Variants in PCDH11Y observed in about 807,000 individuals in gnomAD.
The protein encoded by PCDH11Y is protocadherin 11 Y-linked, also known as protocadherin-11 Y-linked.
For missense variants in PCDH11Y, 12 were observed against 224.8 expected, an observed-to-expected ratio of 0.05 and a Z score of 6.05; for synonymous variants, 9 against 83.6, an observed-to-expected ratio of 0.11 and a Z score of 4.87.
intron 1 of PCDH11Y, among the ~76,000 whole-genome samples, chrY:5,091,968 T>C: frequency 3.1e-5 from 1 of 32,777 alleles, no homozygotes; most frequent in East Asian, 7.9e-4. Context: ...TTCTACAAAA[T>C]AGGTTTTGCT....
intron 3 of PCDH11Y, among the ~76,000 whole-genome samples, chrY:5,522,075 G>A: frequency 2.5e-4 from 8 of 32,007 alleles, no homozygotes; most frequent in Admixed American, 2.3e-3. Flanking sequence ...GGGTTTCACC[G>A]TGTTAGCCAG....
intron 4 of PCDH11Y, among the ~76,000 whole-genome samples, chrY:5,604,467 A>G (rs2053477227): frequency 3.1e-5 from 1 of 32,704 alleles, no homozygotes; most frequent in Non-Finnish European, 7.5e-5. Context: ...AAATTGAGCA[A>G]GTATAGTGCA....
At chrY:5,165,025 T>C (rs2124644796) in intron 2 of PCDH11Y, among the ~76,000 whole-genome samples, 3 of 30,134 alleles carry the variant, frequency 1.0e-4, no homozygotes, top group Admixed American at 3.1e-4. Context: ...TTCATGTTCG[T>C]GCAACTAATA....
intron 2 of PCDH11Y, among the ~76,000 whole-genome samples, chrY:5,347,852 C>G: frequency 3.0e-5 from 1 of 33,025 alleles, no homozygotes; most frequent in Non-Finnish European, 7.4e-5. Context: ...TGGGCAGTAA[C>G]CATACAATTT....
intron 2 of PCDH11Y, among the ~76,000 whole-genome samples, chrY:5,457,719 A>G: frequency 5.9e-5 from 2 of 33,639 alleles, no homozygotes; most frequent in Non-Finnish European, 1.5e-4. Context: ...CCTTTCAAGA[A>G]AAAGAGAATC....
intron 2 of PCDH11Y, among the ~76,000 whole-genome samples, chrY:5,397,764 G>A: frequency 1.8e-4 from 6 of 33,069 alleles, no homozygotes; most frequent in Admixed American, 1.1e-3. Flanking sequence ...ATAGTTCACT[G>A]CAGCCTTGAA....
chrY:5,407,778 G>C (rs2053241023), intron 2 of PCDH11Y, among the ~76,000 whole-genome samples: 7 of 31,263 alleles, frequency 2.2e-4, no homozygotes, highest in Admixed American at 1.8e-3. Context: ...TAGCTGGCGT[G>C]GTGGCGGGCG....
At chrY:5,311,689 T>A in intron 2 of PCDH11Y, among the ~76,000 whole-genome samples, 1 of 29,374 alleles carries the variant, frequency 3.4e-5, no homozygotes, top group Admixed American at 3.3e-4. Context: ...ACCCTAGCTC[T>A]TTTTTATTTG....
intron 1 of PCDH11Y, among the ~76,000 whole-genome samples, chrY:5,093,967 T>G: frequency 3.0e-5 from 1 of 33,236 alleles, no homozygotes; most frequent in Non-Finnish European, 7.6e-5. Flanking sequence ...GCCATATTAC[T>G]TAGTATATGA....
chrY:5,560,823 G>A (rs1602943311), intron 3 of PCDH11Y, among the ~76,000 whole-genome samples: 3 of 33,964 alleles, frequency 8.8e-5, no homozygotes, highest in Non-Finnish European at 1.5e-4. Flanking sequence ...ATGTGAGGTC[G>A]AAGCCTGCAC....
chrY:5,190,084 C>A (rs2052910544), intron 2 of PCDH11Y, among the ~76,000 whole-genome samples: 1 of 32,039 alleles, frequency 3.1e-5, no homozygotes, highest in African/African-American at 1.2e-4. Context: ...TTTTTTTTTC[C>A]TTTTTATTCA....
Position 5,194,338 on chromosome Y carries a change from G to A in PCDH11Y, c.3129+93631G>A. 1.4e-4 allele frequency among the ~76,000 whole-genome samples: 4 copies of A among 28,001 alleles called. No homozygotes were observed. The Middle Eastern group carries it at 0.049, about 344-fold the overall frequency. 75.1% of individuals were successfully genotyped at this position (28,001 alleles called of 37,273 possible). Reference sequence around the variant, plus strand: ...TGTCCCAACTACTCGGGAGCCTGAAGTGGAAGGATCACTTGAGCTTAGGTG... The same window carrying A: ...TGTCCCAACTACTCGGGAGCCTGAAATGGAAGGATCACTTGAGCTTAGGTG... On this transcript the variant is annotated intron_variant, in intron 2 of 4. Transcript: ENST00000400457.
At chrY:5,146,249 C>T (rs2124643002) in intron 2 of PCDH11Y, among the ~76,000 whole-genome samples, 2 of 33,836 alleles carry the variant, frequency 5.9e-5, no homozygotes, top group East Asian at 1.6e-3. Context: ...GAAAAATAGT[C>T]TTCCACAAAA....
At chrY:5,205,813 A>G in intron 2 of PCDH11Y, among the ~76,000 whole-genome samples, 1 of 29,922 alleles carries the variant, frequency 3.3e-5, no homozygotes, top group Non-Finnish European at 7.8e-5. Flanking sequence ...CTCACTCCCC[A>G]TTCAATCATT....
At chrY:5,650,161 C>G in intron 4 of PCDH11Y, among the ~76,000 whole-genome samples, 1 of 32,598 alleles carries the variant, frequency 3.1e-5, no homozygotes, top group African/African-American at 1.2e-4. Flanking sequence ...TTTTCTTAAT[C>G]CTCATGTTAA....
chrY:5,002,271 T>C, intron 1 of PCDH11Y, among the ~76,000 whole-genome samples: 1 of 31,806 alleles, frequency 3.1e-5, no homozygotes, highest in Non-Finnish European at 7.7e-5. Flanking sequence ...GTCATAGCAG[T>C]CGCCTGTGCG....
intron 2 of PCDH11Y, among the ~76,000 whole-genome samples, chrY:5,440,766 G>T (rs376408448): frequency 0.03 from 509 of 17,240 alleles, no homozygotes; most frequent in Middle Eastern, 0.074. Context: ...TATAGAGAGA[G>T]AGAGAGAGAG....
chrY:5,451,112 C>G, intron 2 of PCDH11Y, among the ~76,000 whole-genome samples: 1 of 32,698 alleles, frequency 3.1e-5, no homozygotes, highest in Non-Finnish European at 7.5e-5. Context: ...CATCAGATTT[C>G]TCCAAAAATA....
At chrY:5,618,687 T>A in intron 4 of PCDH11Y, among the ~76,000 whole-genome samples, 1 of 24,685 alleles carries the variant, frequency 4.1e-5, no homozygotes, top group Admixed American at 4.0e-4. Flanking sequence ...TACCATCACC[T>A]TTAATAAAGG....
Sources: gnomAD v4.1 joint callset for allele counts (sites outside exome capture counted in the v4.1 genomes callset) on GRCh38, gnomAD v4.1.1 for gene constraint, MANE v1.5 for transcripts, NCBI Gene and HGNC (gene_info 2026-07-23, HGNC 2026-07-21) for gene names.